SBNO1: variants seen among roughly 807,000 people sequenced by gnomAD.
The protein encoded by SBNO1 is protein strawberry notch homolog 1.
In SBNO1, 23 loss-of-function variants were observed where a neutral mutation model predicts 173.6. The ratio of observed to expected loss-of-function variants is 0.13; its 90% confidence interval spans 0.10 to 0.19. SBNO1 has a LOEUF of 0.19. Ranked by LOEUF, SBNO1 falls within the 10% of genes least tolerant of loss-of-function variation. SBNO1 has a pLI of 1.00. For missense variants in SBNO1, 1,238 were observed against 1,671.2 expected, an observed-to-expected ratio of 0.74 and a Z score of 4.52; for synonymous variants, 632 against 571.5, an observed-to-expected ratio of 1.11 and a Z score of -1.51.
In SBNO1 at chr12:123,313,640, T is replaced by C. The variant is rs2138937237; in HGVS notation, c.3200A>G (p.Tyr1067Cys). ...DSPMVSPPPDYPGEFFKDVRQ... is the reference protein window; with the variant it reads ...DSPMVSPPPDCPGEFFKDVRQ... ...GTTACCTTTAAAAAATTCTCCAGGATAGTCTGGAGGTGGTGATACCATAGG... is the reference window on the plus strand; with the variant it reads ...GTTACCTTTAAAAAATTCTCCAGGACAGTCTGGAGGTGGTGATACCATAGG... Residue 1067 changes from tyrosine to cysteine, a missense_variant, in exon 24 of 32, where the codon TAT becomes TGT. Tyr to Cys is a radical substitution (Grantham distance 194). Around this residue, in one of 14 missense-constraint regions of SBNO1, gnomAD observed 351 missense variants for 420.3 expected, o/e 0.84. Coordinates refer to ENST00000602398, the MANE Select transcript of SBNO1 (RefSeq NM_001167856.3). The C allele has an allele frequency of 1.9e-6, 3 of 1,581,724 alleles. No individual in the cohort carries two copies. The highest frequency in any genetic ancestry group is 2.6e-6 in the Non-Finnish European group (3 of 1,152,870).
At chr12:123,327,836 T>C (rs1466521430) in intron 11 of SBNO1, 24 bp from the exon 12 acceptor site, 9 of 1,604,572 alleles carry the variant, frequency 5.6e-6, no homozygotes, top group Non-Finnish European at 7.7e-6. Context: ...AAATGAAATA[T>C]ATTATAGTTG....
chr12:123,316,703 CTTTTT>C (rs545944754), intron 21 of SBNO1, among the ~76,000 whole-genome samples: 1 of 123,900 alleles, frequency 8.1e-6, no homozygotes, highest in Admixed American at 8.8e-5. Flanking sequence ...TTTTCTTCTT[CTTTTT>C]TTTTTTTTTT....
chr12:123,322,289 T>C (rs1870069798), intron 16 of SBNO1, among the ~76,000 whole-genome samples: 1 of 151,688 alleles, frequency 6.6e-6, no homozygotes. Flanking sequence ...CATGCAACCA[T>C]GACCAGATAT....
chr12:123,345,132 C>T (rs1043714321), intron 4 of SBNO1, 126 bp downstream of exon 4: 43 of 767,342 alleles, frequency 5.6e-5, no homozygotes, highest in Admixed American at 4.8e-4. Context: ...ACTGTAAGTA[C>T]GCAAAATAAT....
intron 20 of SBNO1, 106 bp from the exon 21 acceptor site, chr12:123,317,462 A>G: frequency 1.1e-6 from 1 of 951,046 alleles, no homozygotes; most frequent in Middle Eastern, 2.8e-4. Context: ...CTTCTTTCTC[A>G]ATAATGAAGA....
At chr12:123,361,157 T>C (rs577796503) in intron 1 of SBNO1, among the ~76,000 whole-genome samples, 6 of 152,222 alleles carry the variant, frequency 3.9e-5, no homozygotes, top group East Asian at 1.9e-4. Flanking sequence ...GGCAGGAGAA[T>C]TGCTTGAACC....
At chr12:123,364,081 G>A (rs1026452152) in intron 1 of SBNO1, 8 of 985,376 alleles carry the variant, frequency 8.1e-6, no homozygotes, top group East Asian at 2.3e-4. Flanking sequence ...CGCCCGCCGA[G>A]GCAGAACTAA....
At chr12:123,332,071 G>A (rs1415648092) in intron 7 of SBNO1, among the ~76,000 whole-genome samples, 1 of 151,598 alleles carries the variant, frequency 6.6e-6, no homozygotes, top group Non-Finnish European at 1.5e-5. Context: ...GGATGGTCTC[G>A]ATCTCCTGAC....
Position 123,313,194 on chromosome 12 carries a change from C to T in SBNO1, c.3220+426G>A, listed in dbSNP as rs558201458. Among the ~76,000 whole-genome samples the T allele has an allele frequency of 4.1e-3, 585 of 141,506 alleles. 3 individuals carry two copies. The highest frequency in any genetic ancestry group is 0.034 in the Middle Eastern group (9 of 268). The allele number at this position is 141,506 out of a possible 152,430, so 92.8% of individuals were successfully genotyped here. On this transcript the variant is annotated intron_variant, in intron 24 of 31. Coordinates refer to ENST00000602398, the MANE Select transcript of SBNO1 (RefSeq NM_001167856.3). ...TCCAGCCTGGCGACAGAGCAAGACT[C>T]GGTCTTAAAATAAATAAATAAATAA...
rs2139074674 is a variant in SBNO1 at position 123,350,455 on chromosome 12, T to C, written c.1-14A>G. The C allele has an allele frequency of 5.6e-6, 9 of 1,605,268 alleles. No individual in the cohort carries two copies. The highest frequency in any genetic ancestry group is 2.2e-5 in the East Asian group (1 of 44,830). ...TGGCTCCACCATCTTTAAAGGGAAA[T>C]ATTAAATATTAACATAAAAAACAAA... On this transcript the variant is annotated splice_polypyrimidine_tract_variant and intron_variant, in intron 1 of 31. Transcript: ENST00000602398.
chr12:123,335,308 G>A (rs1871706431), intron 6 of SBNO1, among the ~76,000 whole-genome samples: 1 of 152,170 alleles, frequency 6.6e-6, no homozygotes. Flanking sequence ...GCATGATGGT[G>A]CACACCTGTA....
rs1868438204 is a variant in SBNO1, at chr12:123,311,094, T to G, written c.3256A>C (p.Asn1086His). 1 of 1,613,740 alleles carries G rather than the reference T, an allele frequency of 6.2e-7. No homozygotes were observed. ...AGAATTCCCGAGCGATCTTCTACAT[T>G]TATCAGGCCAACGCCTATCAGTCCT... is the stretch of plus-strand genomic sequence containing the variant. ...RQGLIGVGLI[N>H]VEDRSGILTL... The change falls in exon 25 of 32, where the codon AAT becomes CAT. Residue 1086 changes from asparagine to histidine, a missense_variant. Coordinates refer to ENST00000602398, the MANE Select transcript of SBNO1 (RefSeq NM_001167856.3).
chr12:123,299,618 T>C (rs1039414197), intron 30 of SBNO1, among the ~76,000 whole-genome samples: 3 of 144,332 alleles, frequency 2.1e-5, no homozygotes, highest in Non-Finnish European at 4.5e-5. Flanking sequence ...GAGGCGGAGC[T>C]TGCAGTGAGC....
intron 2 of SBNO1, among the ~76,000 whole-genome samples, chr12:123,349,411 C>T (rs565567541): frequency 2.7e-5 from 4 of 150,050 alleles, no homozygotes; most frequent in African/African-American, 9.7e-5. Flanking sequence ...CAGAATCTTA[C>T]GTTTTTGCTT....
At chr12:123,304,082 C>CACT (rs2048856858) in intron 29 of SBNO1, among the ~76,000 whole-genome samples, 1 of 151,960 alleles carries the variant, frequency 6.6e-6, no homozygotes, top group Non-Finnish European at 1.5e-5. Context: ...AGGCATGCAA[C>CACT]ACTACGCCTG....
chr12:123,312,265 A>G (rs929531037), intron 24 of SBNO1, among the ~76,000 whole-genome samples: 2 of 152,090 alleles, frequency 1.3e-5, no homozygotes, highest in African/African-American at 4.8e-5. Context: ...GACACTCCTG[A>G]TGTCAAAAGG....
chr12:123,324,494 G>T (rs1439844717), intron 15 of SBNO1, among the ~76,000 whole-genome samples: 1 of 151,906 alleles, frequency 6.6e-6, no homozygotes, highest in Admixed American at 6.6e-5. Flanking sequence ...GCTAGTTTTT[G>T]TATTTTTAGT....
At chr12:123,302,936 T>C in intron 29 of SBNO1, 36 bp from the exon 30 acceptor site, 1 of 1,481,194 alleles carries the variant, frequency 6.8e-7, no homozygotes, top group South Asian at 1.1e-5. Context: ...GAAAACAGTA[T>C]TGCTTTAAAT....
chr12:123,331,119 C>T (rs578189554), intron 8 of SBNO1, 123 bp downstream of exon 8: 88 of 912,826 alleles, frequency 9.6e-5, no homozygotes, highest in South Asian at 7.5e-4. Context: ...CCCACCATGA[C>T]GACCGGCTGA....
Sources: allele counts gnomAD v4.1 joint callset (sites outside exome capture counted in the v4.1 genomes callset), GRCh38; gene constraint gnomAD v4.1.1; regional missense constraint gnomAD v4.1.1; transcripts MANE v1.5; gene names NCBI Gene and HGNC (gene_info 2026-07-23, HGNC 2026-07-21).